The following SEMA5A variants were observed in gnomAD, a reference collection of about 807,000 sequenced individuals.
SEMA5A encodes semaphorin-5A.
A neutral mutation model predicts 135.5 loss-of-function variants in SEMA5A; 55 were observed. The ratio of observed to expected loss-of-function variants is 0.41; its 90% CI spans 0.33 to 0.51. The LOEUF is 0.51. Ranked by LOEUF, SEMA5A falls within the 20% of genes least tolerant of loss-of-function variation. SEMA5A has a pLI of 0.37. For missense variants in SEMA5A, 1,290 were observed against 1,419.9 expected, an observed-to-expected ratio of 0.91 and a Z score of 1.47; for synonymous variants, 580 against 546.5, an observed-to-expected ratio of 1.06 and a Z score of -0.85.
chr5:9,258,041 C>G (rs1749175635), intron 5 of SEMA5A, among the ~76,000 whole-genome samples: 1 of 152,136 alleles, frequency 6.6e-6, no homozygotes, highest in South Asian at 2.1e-4. Context: ...TTTTGACCTG[C>G]TGAATACACA....
Position 9,204,941 on chromosome 5 carries a change from G to A in SEMA5A, c.647-2701C>T, listed in dbSNP as rs1346295424. 1.3e-5 allele frequency among the ~76,000 whole-genome samples: 2 copies of A among 152,158 alleles called. No individual in the cohort carries two copies. The highest frequency in any genetic ancestry group is 2.9e-5 in the Non-Finnish European group (2 of 68,028). On this transcript the variant is annotated intron_variant, in intron 8 of 22. Transcript: ENST00000382496. This position sits in a 1 kb window ranked among gnomAD's most constrained non-coding sequence, Gnocchi z 6.4. ...CACATCTTATGAGAATCTAATGCCT[G>A]ATGATCTGAGGCAGAACAGTTTCAT...
At chr5:9,439,786 C>G (rs542330305) in intron 1 of SEMA5A, among the ~76,000 whole-genome samples, 58 of 152,346 alleles carry the variant, frequency 3.8e-4, no homozygotes, top group African/African-American at 1.4e-3. Flanking sequence ...GTGCAACCAA[C>G]AGACTCCAAA....
chr5:9,305,771 T>A (rs999295218), intron 5 of SEMA5A, among the ~76,000 whole-genome samples: 1 of 148,860 alleles, frequency 6.7e-6, no homozygotes, highest in Non-Finnish European at 1.5e-5. Context: ...TACACATACA[T>A]ACATATACAT....
At chr5:9,284,272 C>A (rs1213288997) in intron 5 of SEMA5A, among the ~76,000 whole-genome samples, 1 of 152,148 alleles carries the variant, frequency 6.6e-6, no homozygotes, top group Non-Finnish European at 1.5e-5. Context: ...GAAAGCATAT[C>A]ATAATGAATA....
chr5:9,136,299 A>T (rs1471965738), intron 13 of SEMA5A, among the ~76,000 whole-genome samples: 3 of 152,238 alleles, frequency 2.0e-5, no homozygotes, highest in African/African-American at 7.2e-5. Context: ...ATTTCTCTTC[A>T]AACAGACAAA....
chr5:9,237,917 G>C, intron 5 of SEMA5A, 27 bp from the exon 6 acceptor site: 1 of 1,608,554 alleles, frequency 6.2e-7, no homozygotes. Flanking sequence ...AACAATAGCA[G>C]TCATGGTTTT....
intron 3 of SEMA5A, among the ~76,000 whole-genome samples, chr5:9,345,752 C>T (rs1753836514): frequency 6.6e-6 from 1 of 151,884 alleles, no homozygotes; most frequent in African/African-American, 2.4e-5. Flanking sequence ...TTAAGCTTTC[C>T]AAATGTGGAT....
chr5:9,536,226 A>G (rs2126361001), intron 1 of SEMA5A, among the ~76,000 whole-genome samples: 1 of 152,348 alleles, frequency 6.6e-6, no homozygotes, highest in South Asian at 2.1e-4. Flanking sequence ...GAAATTAACC[A>G]GAGGACGACA....
chr5:9,219,719 TA>T (rs1179449059), intron 8 of SEMA5A, among the ~76,000 whole-genome samples: 1 of 152,110 alleles, frequency 6.6e-6, no homozygotes, highest in African/African-American at 2.4e-5. Flanking sequence ...TTTGGGCAAA[TA>T]AATGTCTGCT....
chr5:9,069,038 GGAA>G (rs1325093971), intron 16 of SEMA5A, among the ~76,000 whole-genome samples: 1 of 152,138 alleles, frequency 6.6e-6, no homozygotes, highest in Non-Finnish European at 1.5e-5. Flanking sequence ...GGTCTACCAG[GGAA>G]GCTCACTGGA....
Position 9,278,175 on chromosome 5 carries a change from G to A in SEMA5A, c.270+40197C>T, listed in dbSNP as rs79970684. On this transcript the variant is annotated intron_variant, in intron 5 of 22. Transcript: ENST00000382496. ...TCAGCTGGTAATGAGGAACATACTG[G>A]GAAGTGGAGTGATGGCAACCCTTGC... 5.2e-4 allele frequency among the ~76,000 whole-genome samples: 79 copies of A among 151,744 alleles called. 1 individual carries two copies. Among genetic ancestry groups the A allele is most frequent in the African/African-American group, 1.9e-3 (77 of 41,396 alleles).
At chr5:9,075,102 AT>A (rs1737975459) in intron 16 of SEMA5A, among the ~76,000 whole-genome samples, 1 of 152,220 alleles carries the variant, frequency 6.6e-6, no homozygotes, top group Non-Finnish European at 1.5e-5. Context: ...TTTGAAAAAA[AT>A]GTGAAAACAA....
rs201120126 is a variant in SEMA5A at position 9,190,291 on chromosome 5, C to T, written c.1249G>A (p.Val417Ile). The T allele has an allele frequency of 9.2e-5, 148 of 1,614,008 alleles. No homozygotes were observed. The South Asian group carries it at 1.2e-3, about 14-fold the overall frequency. The stretch of plus-strand genomic sequence containing the variant: ...CCTGTGGCCAAATAGATGATGTGGA[C>T]GAGCGCTTCTCTGCCCTGCACCACG... Reference protein sequence around the residue: ...VDVVQGREALVHIIYLATDYG... With the variant: ...VDVVQGREALIHIIYLATDYG... Residue 417 changes from valine to isoleucine, a missense_variant, in exon 11 of 23, where the codon GTC (valine) becomes ATC (isoleucine). Val to Ile is a conservative substitution (Grantham distance 29). Coordinates refer to ENST00000382496, the MANE Select transcript of SEMA5A (RefSeq NM_003966.3).
intron 8 of SEMA5A, among the ~76,000 whole-genome samples, chr5:9,203,193 C>T (rs932160357): frequency 6.6e-6 from 1 of 152,124 alleles, no homozygotes; most frequent in Non-Finnish European, 1.5e-5. Flanking sequence ...AGGTTTTATT[C>T]TTCGCTATTT....
intron 1 of SEMA5A, among the ~76,000 whole-genome samples, chr5:9,485,459 C>T (rs1224265847): frequency 6.6e-6 from 1 of 152,048 alleles, no homozygotes; most frequent in East Asian, 1.9e-4. Flanking sequence ...TAGGGATGCC[C>T]CGAGCTCAGA....
chr5:9,436,543 CT>C (rs567925217), intron 2 of SEMA5A, among the ~76,000 whole-genome samples: 1 of 152,180 alleles, frequency 6.6e-6, no homozygotes, highest in Non-Finnish European at 1.5e-5. Flanking sequence ...AAGCCAGGGA[CT>C]GGTAACTCAT....
intron 2 of SEMA5A, among the ~76,000 whole-genome samples, chr5:9,420,965 G>A (rs1334005850): frequency 1.3e-5 from 2 of 152,202 alleles, no homozygotes; most frequent in African/African-American, 2.4e-5. Flanking sequence ...ACAGTGAGTC[G>A]AGATCGCGCC....
At chr5:9,386,431 T>C (rs1173125598) in intron 2 of SEMA5A, among the ~76,000 whole-genome samples, 1 of 152,178 alleles carries the variant, frequency 6.6e-6, no homozygotes, top group Admixed American at 6.5e-5. Context: ...TCTTAATCTG[T>C]CTCCACTACT....
At chr5:9,048,531 C>A (rs1736393868) in intron 21 of SEMA5A, among the ~76,000 whole-genome samples, 1 of 151,872 alleles carries the variant, frequency 6.6e-6, no homozygotes, top group African/African-American at 2.4e-5. Flanking sequence ...TTTTCAACAT[C>A]TCACAGCAGC....
Sources: allele counts gnomAD v4.1 joint callset (sites outside exome capture counted in the v4.1 genomes callset), GRCh38; gene constraint gnomAD v4.1.1; non-coding constraint Gnocchi (gnomAD v3.1); transcripts MANE v1.5; gene names NCBI Gene and HGNC (gene_info 2026-07-23, HGNC 2026-07-21).